DMD: variants seen among roughly 807,000 people sequenced by gnomAD.
DMD encodes dystrophin, also known as mutant dystrophin.
DMD carries 63 observed loss-of-function variants against 330.1 expected under a neutral mutation model. The ratio of observed to expected loss-of-function variants is 0.19; its 90% CI spans 0.16 to 0.24. DMD has a LOEUF of 0.24. Ranked by LOEUF, DMD falls within the 10% of genes least tolerant of loss-of-function variation. The pLI is 1.00. For synonymous variants in DMD, 1,223 were observed against 959.8 expected (o/e 1.27, Z -5.07); for missense variants, 3,344 against 2,684.1 (o/e 1.25, Z -5.43).
chrX:32,926,027 C>A (rs915948277), intron 2 of DMD, among the ~76,000 whole-genome samples: 3 of 111,608 alleles, frequency 2.7e-5, no homozygotes, highest in Non-Finnish European at 3.8e-5. Flanking sequence ...TTCACAATAG[C>A]CAAGGTATGG....
chrX:31,440,988 C>T (rs1226974086), intron 60 of DMD, among the ~76,000 whole-genome samples: 1 of 112,117 alleles, frequency 8.9e-6, no homozygotes, highest in African/African-American at 3.2e-5. Flanking sequence ...ACTGATATTA[C>T]AGACAGCTAA....
intron 63 of DMD, among the ~76,000 whole-genome samples, chrX:31,236,825 T>C (rs2047773527): frequency 8.9e-6 from 1 of 112,261 alleles, no homozygotes; most frequent in Admixed American, 9.4e-5. Flanking sequence ...TTTATAGCTC[T>C]TAAGATAAAT....
At chrX:32,936,437 A>G (rs190181076) in intron 2 of DMD, among the ~76,000 whole-genome samples, 237 of 111,682 alleles carry the variant, frequency 2.1e-3, no homozygotes, top group Non-Finnish European at 3.6e-3. Flanking sequence ...ATCCCATCAT[A>G]AAGGGGCATA....
intron 7 of DMD, among the ~76,000 whole-genome samples, chrX:32,736,724 C>A (rs1255150386): frequency 1.0e-5 from 1 of 96,214 alleles, no homozygotes; most frequent in African/African-American, 4.1e-5. Flanking sequence ...AATGAGAACA[C>A]ATGGACACAG....
chrX:31,625,841 T>G (rs1422248253), intron 55 of DMD, among the ~76,000 whole-genome samples: 1 of 111,998 alleles, frequency 8.9e-6, no homozygotes, highest in African/African-American at 3.2e-5. Flanking sequence ...ATTAAATCCC[T>G]GACATAAAAT....
At chrX:32,621,268 G>A (rs1009583818) in intron 11 of DMD, among the ~76,000 whole-genome samples, 3 of 111,214 alleles carry the variant, frequency 2.7e-5, no homozygotes, top group Admixed American at 9.5e-5. Context: ...CAGAGGAACC[G>A]GAAATCCAGT....
At chrX:31,799,824 G>C (rs189306220) in intron 50 of DMD, among the ~76,000 whole-genome samples, 2 of 112,197 alleles carry the variant, frequency 1.8e-5, no homozygotes, top group East Asian at 2.8e-4. Context: ...CACCTGTTCC[G>C]AATGGGAGAA....
chrX:31,179,366 GA>G (rs2040912196), intron 69 of DMD, among the ~76,000 whole-genome samples: 1 of 112,573 alleles, frequency 8.9e-6, no homozygotes, highest in Non-Finnish European at 1.9e-5. Flanking sequence ...TTGTGTATGG[GA>G]ACCAGCTGCA....
intron 44 of DMD, among the ~76,000 whole-genome samples, chrX:32,044,697 C>CA (rs1236807501): frequency 8.9e-6 from 1 of 111,776 alleles, no homozygotes; most frequent in East Asian, 2.8e-4. Context: ...GCTGGGATTA[C>CA]AGGCGTGAGC....
intron 9 of DMD, among the ~76,000 whole-genome samples, chrX:32,672,761 G>A (rs1281342146): frequency 9.1e-6 from 1 of 110,267 alleles, no homozygotes; most frequent in Admixed American, 9.8e-5. Context: ...TTACAGTTCT[G>A]GCAGCCATCT....
chrX:31,177,376 A>G (rs1211060277), intron 71 of DMD, among the ~76,000 whole-genome samples: 1 of 111,541 alleles, frequency 9.0e-6, no homozygotes, highest in East Asian at 2.8e-4. Flanking sequence ...AAACCCTTGT[A>G]TATAATGATT....
chrX:31,837,605 A>G (rs2093230390), intron 48 of DMD, among the ~76,000 whole-genome samples: 1 of 111,542 alleles, frequency 9.0e-6, no homozygotes, highest in African/African-American at 3.3e-5. Context: ...CAATTAATCA[A>G]TGTCAGGCAT....
rs764636983 is a variant in DMD, at chrX:32,518,172, CTCTT to C, written c.2169-45_2169-42del. The C allele has an allele frequency of 5.8e-5, 67 of 1,163,289 alleles. No homozygotes were observed. The African/African-American group carries it at 1.1e-3, about 19-fold the overall frequency. On this transcript the variant is annotated intron_variant, in intron 17 of 78. Transcript: ENST00000357033. ...ATAAAAGTCATTATTTCTTGATTATCTCTTTCTTCTATATTAAAAAAAGCAATTT... is the reference window on the plus strand; with the variant it reads ...ATAAAAGTCATTATTTCTTGATTATCTCTTCTATATTAAAAAAAGCAATTT...
intron 44 of DMD, among the ~76,000 whole-genome samples, chrX:32,176,358 G>A (rs1237064079): frequency 5.4e-5 from 6 of 111,201 alleles, no homozygotes; most frequent in Non-Finnish European, 9.4e-5. Context: ...AATATAGTGG[G>A]CACCCAATAT....
At chrX:32,738,133 TCA>T (rs2068761653) in intron 7 of DMD, among the ~76,000 whole-genome samples, 1 of 111,594 alleles carries the variant, frequency 9.0e-6, no homozygotes, top group Non-Finnish European at 1.9e-5. Context: ...TAAGCCAAAA[TCA>T]CAGAGGGTTA....
At chrX:31,158,097 G>T (rs2148051565) in intron 74 of DMD, among the ~76,000 whole-genome samples, 1 of 111,644 alleles carries the variant, frequency 9.0e-6, no homozygotes, top group Non-Finnish European at 1.9e-5. Flanking sequence ...GAGCCACCAT[G>T]CCCAGCCCAG....
intron 1 of DMD, among the ~76,000 whole-genome samples, chrX:33,140,729 C>CACTGT (rs1025150309): frequency 1.8e-5 from 2 of 112,244 alleles, no homozygotes; most frequent in African/African-American, 6.5e-5. Context: ...CTTATACCAC[C>CACTGT]ACTGTACTGT....
chrX:32,950,371 G>A (rs1008753010), intron 2 of DMD, among the ~76,000 whole-genome samples: 1 of 111,260 alleles, frequency 9.0e-6, no homozygotes, highest in African/African-American at 3.3e-5. Flanking sequence ...TATGGAGGTA[G>A]TAAGTAGCAA....
rs1194944157 is a variant in DMD at position 32,452,304 on chromosome X, GGAAAGTGAAAGT to G, written c.3603+2346_3603+2357del. Reference sequence around the variant, plus strand: ...AAAAGAAAGGAAAGGAAAAGGAAAGGGAAAGTGAAAGTGAAAGTGAAAGTGAAAGTGAAAGGG... The same window carrying G: ...AAAAGAAAGGAAAGGAAAAGGAAAGGGAAAGTGAAAGTGAAAGTGAAAGGG... On this transcript the variant is annotated intron_variant, in intron 26 of 78. Coordinates refer to ENST00000357033, the MANE Select transcript of DMD (RefSeq NM_004006.3). Among the ~76,000 whole-genome samples, 115 of 23,803 alleles carry G rather than the reference GGAAAGTGAAAGT, an allele frequency of 4.8e-3. 12 individuals are homozygous for G. The highest frequency in any genetic ancestry group is 0.019 in the African/African-American group (91 of 4,893). 20.7% of individuals were successfully genotyped at this position (23,803 alleles called of 115,157 possible). A position where few individuals can be genotyped will look rare whatever the true frequency, so the allele number is the denominator to read the frequency against.
Sources: allele counts gnomAD v4.1 joint callset (sites outside exome capture counted in the v4.1 genomes callset), GRCh38; gene constraint gnomAD v4.1.1; transcripts MANE v1.5; gene names NCBI Gene and HGNC (gene_info 2026-07-23, HGNC 2026-07-21).